Variants in TAF1 observed in about 807,000 individuals in gnomAD.
The protein encoded by TAF1 is transcription initiation factor TFIID subunit 1.
In TAF1, 2 loss-of-function variants were observed where a neutral mutation model predicts 138.5. The ratio of observed to expected loss-of-function variants is 0.01; its 90% CI spans 0.01 to 0.05. The LOEUF is 0.05. TAF1 is among the 10% of genes least tolerant of loss of function. The probability of loss-of-function intolerance (pLI) is 1.00; values close to 1 mark genes in which losing one functional copy is unlikely to be tolerated. For synonymous variants in TAF1, 437 were observed against 503.2 expected (o/e 0.87, Z 1.76); for missense variants, 709 against 1,478.0 (o/e 0.48, Z 8.53).
chrX:71,428,636 A>G (rs1278926952), intron 32 of TAF1, among the ~76,000 whole-genome samples: 1 of 112,123 alleles, frequency 8.9e-6, no homozygotes, highest in East Asian at 2.8e-4. Flanking sequence ...TATTCATGAT[A>G]TTGTTACTTA....
rs145971441 is a variant in TAF1 at position 71,459,556 on chromosome X, G to T, written c.5069G>T (p.Gly1690Val). The T allele has an allele frequency of 2.5e-6, 3 of 1,208,622 alleles. No homozygotes were observed. The highest frequency in any genetic ancestry group is 4.4e-5 in the Admixed American group (2 of 45,579). The change falls in exon 36 of 38, where the codon GGT becomes GTT. Residue 1690 changes from glycine to valine, a missense_variant. Transcript: ENST00000423759. ...CCCCCAACTGGTCTCATTCAGGAAG[G>T]TGAAGATGGAGATGGTGATCTTGCA... is the stretch of plus-strand genomic sequence containing the variant. Reference protein sequence around the residue: ...ATPEKQVTQEGEDGDGDLADE... With the variant: ...ATPEKQVTQEVEDGDGDLADE...
At chrX:71,466,045 G>C (rs777860770), downstream of TAF1, 1 of 111,814 alleles carries the variant, frequency 8.9e-6, no homozygotes, top group African/African-American at 3.2e-5. Context: ...TCTAGTTCAA[G>C]TAAGAGAGAA....
At chrX:71,443,490 G>C (rs1372622069) in intron 32 of TAF1, among the ~76,000 whole-genome samples, 2 of 111,436 alleles carry the variant, frequency 1.8e-5, no homozygotes, top group Non-Finnish European at 3.8e-5. Flanking sequence ...AGGAATGCTT[G>C]TGATTTTTGC....
chrX:71,427,152 A>AT (rs770848571), intron 32 of TAF1, among the ~76,000 whole-genome samples: 1 of 112,347 alleles, frequency 8.9e-6, no homozygotes, highest in Non-Finnish European at 1.9e-5. Context: ...TCATGGAAGA[A>AT]TGAAAGAGCA....
At chrX:71,398,814 C>A in intron 24 of TAF1, 77 bp downstream of exon 24, 1 of 1,094,839 alleles carries the variant, frequency 9.1e-7, no homozygotes, top group African/African-American at 1.9e-5. Context: ...TTTTGATATC[C>A]TCCTTTACTG....
intron 32 of TAF1, among the ~76,000 whole-genome samples, chrX:71,439,297 C>CT (rs1220975979): frequency 1.8e-5 from 2 of 110,144 alleles, no homozygotes; most frequent in East Asian, 2.8e-4. Flanking sequence ...CTAGGAAACT[C>CT]TTTTTTTTTA....
At chrX:71,394,370 CTG>C (rs1431950918) in intron 22 of TAF1, 125 bp downstream of exon 22, 3 of 891,262 alleles carry the variant, frequency 3.4e-6, no homozygotes, top group African/African-American at 4.0e-5. Context: ...GTAGAAAAGT[CTG>C]TGAATGAAGT....
chrX:71,381,711 C>CT, intron 8 of TAF1, 32 bp from the exon 9 acceptor site: 2 of 1,192,753 alleles, frequency 1.7e-6, no homozygotes, highest in Non-Finnish European at 2.3e-6. Flanking sequence ...AATGTTTTCT[C>CT]TGTTACTATT....
chrX:71,419,510 C>CA lies in TAF1; in HGVS notation c.4385-1796dup, dbSNP rs753082133. 2.1e-4 allele frequency among the ~76,000 whole-genome samples: 23 copies of CA among 108,962 alleles called. No individual in the cohort carries two copies. In the South Asian group the frequency reaches 9.9e-3, roughly 47 times the overall value. 94.6% of individuals were successfully genotyped at this position (108,962 alleles called of 115,157 possible). On this transcript the variant is annotated intron_variant, in intron 28 of 37. Coordinates refer to ENST00000423759, the MANE Select transcript of TAF1 (RefSeq NM_004606.5). The stretch of plus-strand genomic sequence containing the variant: ...GAGATCTTCCGGCTACAGAAACCTG[C>CA]AAAGAAAGACACTCAAAACAGAAAA...
chrX:71,523,724 G>A (rs1465636110), intron 13 of TAF1, among the ~76,000 whole-genome samples: 1 of 111,305 alleles, frequency 9.0e-6, no homozygotes, highest in Non-Finnish European at 1.9e-5. Flanking sequence ...AAAACTCAGG[G>A]GACAAGTTAT....
intron 1 of TAF1, among the ~76,000 whole-genome samples, chrX:71,367,234 C>G (rs1424692369): frequency 9.1e-6 from 1 of 110,388 alleles, no homozygotes; most frequent in African/African-American, 3.4e-5. Flanking sequence ...TCAGTCTTGG[C>G]AGTAGTTATT....
intron 13 of TAF1, among the ~76,000 whole-genome samples, chrX:71,499,874 A>C (rs1193767223): frequency 3.6e-5 from 4 of 112,014 alleles, no homozygotes; most frequent in Non-Finnish European, 5.6e-5. Flanking sequence ...GTGAGATCGA[A>C]GGTTTGCCCT....
intron 3 of TAF1, among the ~76,000 whole-genome samples, chrX:71,370,327 T>C (rs1385183992): frequency 9.0e-6 from 1 of 111,132 alleles, no homozygotes; most frequent in Non-Finnish European, 1.9e-5. Flanking sequence ...TGCCCTGTTC[T>C]ACCTCTCACT....
At chrX:71,445,003 C>T (rs978134244) in intron 32 of TAF1, among the ~76,000 whole-genome samples, 20 of 110,905 alleles carry the variant, frequency 1.8e-4, no homozygotes, top group African/African-American at 6.5e-4. Flanking sequence ...GCTGGGATTA[C>T]AGGCATGAGC....
At chrX:71,444,165 G>A (rs1413317557) in intron 32 of TAF1, among the ~76,000 whole-genome samples, 1 of 109,130 alleles carries the variant, frequency 9.2e-6, no homozygotes, top group Non-Finnish European at 1.9e-5. Context: ...CTGCTATTAC[G>A]CCTGGCTAAT....
chrX:71,524,371 A>G (rs1207304149), intron 13 of TAF1, among the ~76,000 whole-genome samples: 1 of 111,098 alleles, frequency 9.0e-6, no homozygotes, highest in Non-Finnish European at 1.9e-5. Context: ...CACATATTAC[A>G]ACACACTCCA....
Position 71,398,455 on chromosome X carries a change from A to G in TAF1, c.3621-117A>G, listed in dbSNP as rs984301808. ...ATGGGAATGGCATGTAGCCCCTTTTATCTTAGCCTGGATGGATTACTTTAG... is the reference window on the plus strand; with the variant it reads ...ATGGGAATGGCATGTAGCCCCTTTTGTCTTAGCCTGGATGGATTACTTTAG... On this transcript the variant is annotated intron_variant, in intron 23 of 37. Transcript: ENST00000423759. 3.0e-6 allele frequency: 3 copies of G among 984,193 alleles called. No individual in the cohort carries two copies. In the African/African-American group the frequency reaches 5.9e-5, roughly 19 times the overall value. The allele number at this position is 984,193 out of a possible 1,213,427, so 81.1% of individuals were successfully genotyped here. A position where few individuals can be genotyped will look rare whatever the true frequency, so the allele number is the denominator to read the frequency against.
intron 32 of TAF1, among the ~76,000 whole-genome samples, chrX:71,426,590 C>G (rs1445953235): frequency 9.0e-6 from 1 of 110,604 alleles, no homozygotes; most frequent in Non-Finnish European, 1.9e-5. Context: ...TGGTGCATGC[C>G]TGTGATCCCA....
chrX:71,481,740 G>T (rs759056216), intron 13 of TAF1, among the ~76,000 whole-genome samples: 1 of 110,834 alleles, frequency 9.0e-6, no homozygotes, highest in East Asian at 2.9e-4. Context: ...TGTATTTTTA[G>T]TAGAGGCGGG....
Sources: gnomAD v4.1 joint callset for allele counts (sites outside exome capture counted in the v4.1 genomes callset) on GRCh38, gnomAD v4.1.1 for gene constraint, MANE v1.5 for transcripts, NCBI Gene and HGNC (gene_info 2026-07-23, HGNC 2026-07-21) for gene names.